TPPP2: variants seen among roughly 807,000 people sequenced by gnomAD.
TPPP2 encodes the protein tubulin polymerization-promoting protein family member 2.
In TPPP2, 8 loss-of-function variants were observed where a neutral mutation model predicts 13.0. The ratio of observed to expected loss-of-function variants is 0.62; its 90% CI spans 0.36 to 1.11. TPPP2 has a LOEUF of 1.11. TPPP2 is among the 50% of genes most tolerant of loss of function. The pLI, the probability that TPPP2 is intolerant of heterozygous loss-of-function variation, is 0.02. For synonymous variants in TPPP2, 81 were observed against 81.8 expected, an observed-to-expected ratio of 0.99 and a Z score of 0.05; for missense variants, 213 against 216.9, an observed-to-expected ratio of 0.98 and a Z score of 0.11.
downstream of TPPP2, chr14:21,036,333 G>C (rs1442258120): frequency 4.5e-6 from 2 of 447,200 alleles, no homozygotes; most frequent in East Asian, 7.0e-5. Flanking sequence ...TTTCTCATAG[G>C]GTAGGGGTGC....
At chr14:21,025,278 G>T, upstream of TPPP2, 1 of 915,920 alleles carries the variant, frequency 1.1e-6, no homozygotes, top group Non-Finnish European at 1.3e-6. The surrounding 1 kb of genome is among the most constrained non-coding windows in gnomAD (Gnocchi z 5.1). Flanking sequence ...GCTCTGCTCG[G>T]CTCACCAAAA....
At chr14:21,034,243 C>G (rs1185765743), downstream of TPPP2, 1 of 1,613,876 alleles carries the variant, frequency 6.2e-7, no homozygotes, top group Admixed American at 1.7e-5. Flanking sequence ...AGAGTTGGCC[C>G]CAGAACAAGC....
chr14:21,024,616 A>G (rs1011067524), intron 1 of TPPP2: 1 of 984,550 alleles, frequency 1.0e-6, no homozygotes, highest in African/African-American at 1.8e-5. Context: ...TGTAGGTCCC[A>G]CGAGTGGAGA....
chr14:21,035,985 A>G, downstream of TPPP2: 1 of 384,212 alleles, frequency 2.6e-6, no homozygotes, highest in South Asian at 1.9e-5. Context: ...AACCACTGAA[A>G]GCTTCCTTGT....
At chr14:21,024,528 G>A (rs937671172) in intron 1 of TPPP2, 29 of 985,242 alleles carry the variant, frequency 2.9e-5, no homozygotes, top group Non-Finnish European at 3.3e-5. Context: ...GGGTAGCAGA[G>A]CATGGCTGTT....
chr14:21,026,056 G>A (rs2139053066), upstream of TPPP2, among the ~76,000 whole-genome samples: 1 of 152,042 alleles, frequency 6.6e-6, no homozygotes, highest in Admixed American at 6.5e-5. Flanking sequence ...CAGGCCCGCT[G>A]AATCGCAATG....
At position 21,031,093 on chromosome 14, in the gene TPPP2, GA is replaced by G; in HGVS notation, c.256del (p.Ser86ValfsTer35). ...ELGQKRFKGK[S>X]PDEVLENIYG... ...TGGGCCAGAAGCGCTTCAAAGGGAAGAGTCCAGATGAAGTCCTGGAGAACAT... is the reference window on the plus strand; with the variant it reads ...TGGGCCAGAAGCGCTTCAAAGGGAAGGTCCAGATGAAGTCCTGGAGAACAT... On this transcript the variant is annotated frameshift_variant, in exon 3 of 4. Transcript: ENST00000321760. LOFTEE classifies it high-confidence loss of function. 6.2e-7 allele frequency: 1 copy of G among 1,614,216 alleles called. No homozygotes were observed. Among genetic ancestry groups the G allele is most frequent in the Non-Finnish European group, 8.5e-7 (1 of 1,180,028 alleles).
upstream of TPPP2, chr14:21,029,198 T>A (rs1255091786): frequency 6.6e-6 from 1 of 152,248 alleles, no homozygotes; most frequent in African/African-American, 2.4e-5. Context: ...TTCTCCATGC[T>A]ACACTTGAGC....
chr14:21,031,669 G>A (rs1030750858), intron 3 of TPPP2, among the ~76,000 whole-genome samples: 2 of 151,946 alleles, frequency 1.3e-5, no homozygotes, highest in Non-Finnish European at 2.9e-5. Flanking sequence ...CTCTGCACAC[G>A]CCACACTCAT....
chr14:21,030,894 C>T (rs1884054719), intron 2 of TPPP2, 118 bp from the exon 3 acceptor site: 8 of 1,510,480 alleles, frequency 5.3e-6, no homozygotes, highest in Admixed American at 1.9e-5. Flanking sequence ...CCTTTGTCTT[C>T]GAGACACTCA....
upstream of TPPP2, among the ~76,000 whole-genome samples, chr14:21,029,665 C>T (rs1489678623): frequency 6.6e-6 from 1 of 152,076 alleles, no homozygotes; most frequent in Non-Finnish European, 1.5e-5. Context: ...GGAGATGGGG[C>T]ATTTTGGGGG....
At position 21,032,366 on chromosome 14, in the gene TPPP2, G is replaced by A. The variant is rs1168975741; in HGVS notation, c.*289G>A. ...AAGAATATATTTGGAGTAAAGAGAT[G>A]AACCAGATGTGGAGGTAAAAGTATC... On this transcript the variant is annotated 3_prime_UTR_variant, in exon 4 of 4. Transcript: ENST00000321760. 3 of 506,960 alleles carry A rather than the reference G, an allele frequency of 5.9e-6. No homozygotes were observed. The East Asian group carries it at 1.4e-4, about 24-fold the overall frequency. 31.4% of individuals were successfully genotyped at this position (506,960 alleles called of 1,614,324 possible). A position where few individuals can be genotyped will look rare whatever the true frequency, so the allele number is the denominator to read the frequency against.
upstream of TPPP2, among the ~76,000 whole-genome samples, chr14:21,027,329 C>T (rs1288045713): frequency 2.0e-5 from 3 of 152,186 alleles, 1 homozygote; most frequent in Admixed American, 2.0e-4. Context: ...AAGTAAGCAA[C>T]AGTTTTAAGT....
rs769599538 is a variant in TPPP2, at chr14:21,031,089, G to A, written c.251G>A (p.Gly84Glu). The change falls in exon 3 of 4, where the codon GGG becomes GAG. Residue 84 changes from glycine to glutamate, a missense_variant. Gly to Glu is a moderately conservative substitution (Grantham distance 98). Transcript: ENST00000321760. ...GAACTGGGCCAGAAGCGCTTCAAAG[G>A]GAAGAGTCCAGATGAAGTCCTGGAG... ...VKELGQKRFK[G>E]KSPDEVLENI... 4 of 1,614,152 alleles carry A rather than the reference G, an allele frequency of 2.5e-6. No individual in the cohort carries two copies. In the South Asian group the frequency reaches 4.4e-5, roughly 18 times the overall value.
chr14:21,034,043 G>A, downstream of TPPP2: 1 of 1,614,084 alleles, frequency 6.2e-7, no homozygotes. Context: ...AGAACTTCTG[G>A]ATGGCCTTCC....
At chr14:21,036,174 T>C (rs2139098652), downstream of TPPP2, 1 of 456,300 alleles carries the variant, frequency 2.2e-6, no homozygotes, top group Non-Finnish European at 4.4e-6. Context: ...TCTCTTCCAT[T>C]CTTATTTCTT....
upstream of TPPP2, among the ~76,000 whole-genome samples, chr14:21,026,218 G>T (rs113940311): frequency 0.027 from 4,115 of 152,224 alleles, 168 homozygotes; most frequent in African/African-American, 0.094. Flanking sequence ...TCCCTGGAAT[G>T]AGTTAGTTGA....
Position 21,032,117 on chromosome 14 carries a change from C to A in TPPP2, c.*40C>A. The A allele has an allele frequency of 6.3e-7, 1 of 1,582,156 alleles. No homozygotes were observed. The highest frequency in any genetic ancestry group is 8.7e-7 in the Non-Finnish European group (1 of 1,153,356). ...TCAGCCTGCTAGCCCCCTGACCCTG[C>A]ATGTTTAACACCAGGGAGCTTGGAA... On this transcript the variant is annotated 3_prime_UTR_variant, in exon 4 of 4. Coordinates refer to ENST00000321760, the MANE Select transcript of TPPP2 (RefSeq NM_173846.5).
At position 21,030,703 on chromosome 14, in the gene TPPP2, A is replaced by G; in HGVS notation, c.122A>G (p.Asp41Gly). 6.2e-7 allele frequency: 1 copy of G among 1,614,204 alleles called. No individual in the cohort carries two copies. Among genetic ancestry groups the G allele is most frequent in the Non-Finnish European group, 8.5e-7 (1 of 1,180,040 alleles). Reference protein sequence around the residue: ...SKLCKDCGIMDGKTVTSTDVD... With the variant: ...SKLCKDCGIMGGKTVTSTDVD... ...CTGTGCAAAGACTGTGGCATCATGG[A>G]TGGCAAGACAGTCACCTCCACGGAC... Residue 41 changes from aspartate to glycine, a missense_variant, in exon 2 of 4, where the codon GAT becomes GGT. Coordinates refer to ENST00000321760, the MANE Select transcript of TPPP2 (RefSeq NM_173846.5).
Sources: allele counts gnomAD v4.1 joint callset (sites outside exome capture counted in the v4.1 genomes callset), GRCh38; gene constraint gnomAD v4.1.1; non-coding constraint Gnocchi (gnomAD v3.1); transcripts MANE v1.5; gene names NCBI Gene and HGNC (gene_info 2026-07-23, HGNC 2026-07-21).